HLCS: variants seen among roughly 807,000 people sequenced by gnomAD.
The protein encoded by HLCS is biotin--protein ligase.
A neutral mutation model predicts 75.0 loss-of-function variants in HLCS; 53 were observed. That is an observed-to-expected ratio of 0.71 (90% confidence interval 0.57 to 0.89). The LOEUF (loss-of-function observed/expected upper bound fraction) is 0.89. HLCS is among the 40% of genes least tolerant of loss of function. HLCS has a pLI of 0.00. For missense variants in HLCS, 966 were observed against 1,074.0 expected (o/e 0.90, Z 1.41); for synonymous variants, 431 against 428.6 (o/e 1.01, Z -0.07).
intron 6 of HLCS, among the ~76,000 whole-genome samples, chr21:36,866,820 C>G (rs1009444194): frequency 2.6e-5 from 4 of 151,364 alleles, no homozygotes; most frequent in Non-Finnish European, 4.4e-5. Context: ...GGCTATAAAA[C>G]CAAGCCAAGA....
intron 2 of HLCS, among the ~76,000 whole-genome samples, chr21:36,959,316 C>A (rs1443098758): frequency 6.6e-6 from 1 of 152,224 alleles, no homozygotes; most frequent in Non-Finnish European, 1.5e-5. Context: ...CCTGCCACCT[C>A]AGCCCCCCTC....
intron 4 of HLCS, among the ~76,000 whole-genome samples, chr21:36,932,226 G>A (rs2066679939): frequency 6.6e-6 from 1 of 152,062 alleles, no homozygotes; most frequent in African/African-American, 2.4e-5. Flanking sequence ...TCAGTGTTTT[G>A]GCCTTTATTT....
intron 6 of HLCS, among the ~76,000 whole-genome samples, chr21:36,814,458 T>TA (rs1392110584): frequency 1.3e-5 from 2 of 152,234 alleles, no homozygotes; most frequent in African/African-American, 2.4e-5. Context: ...ATACTTACAC[T>TA]AAAAAGCTAT....
At chr21:36,880,831 A>G (rs2064177308) in intron 6 of HLCS, among the ~76,000 whole-genome samples, 1 of 152,116 alleles carries the variant, frequency 6.6e-6, no homozygotes, top group African/African-American at 2.4e-5. Context: ...TACCCCTCCC[A>G]GAGCACTCCT....
chr21:36,913,839 AC>A (rs2065820911), intron 5 of HLCS, among the ~76,000 whole-genome samples: 1 of 152,192 alleles, frequency 6.6e-6, no homozygotes, highest in South Asian at 2.1e-4. Context: ...CTGTGAGAGG[AC>A]ACTTTCACAA....
At chr21:36,829,211 T>A (rs895183787) in intron 6 of HLCS, among the ~76,000 whole-genome samples, 2 of 152,232 alleles carry the variant, frequency 1.3e-5, no homozygotes, top group African/African-American at 4.8e-5. Flanking sequence ...TACTTCACTG[T>A]TTTACCTATG....
chr21:36,800,854 T>C (rs1282492261), intron 6 of HLCS, among the ~76,000 whole-genome samples: 3 of 151,932 alleles, frequency 2.0e-5, no homozygotes, highest in African/African-American at 2.4e-5. Flanking sequence ...CCACCAAGAA[T>C]AGCAAGTTCA....
intron 6 of HLCS, among the ~76,000 whole-genome samples, chr21:36,825,543 T>A (rs1354273834): frequency 6.6e-6 from 1 of 152,224 alleles, no homozygotes; most frequent in Non-Finnish European, 1.5e-5. Context: ...TTCATTCATC[T>A]TCCAAGTAAG....
intron 6 of HLCS, among the ~76,000 whole-genome samples, chr21:36,884,260 C>A (rs2064354296): frequency 6.6e-6 from 1 of 152,222 alleles, no homozygotes; most frequent in Admixed American, 6.5e-5. Context: ...GCATCTTCTG[C>A]AATTTTTCCC....
At chr21:36,921,488 T>A (rs374877757) in intron 5 of HLCS, among the ~76,000 whole-genome samples, 28 of 152,268 alleles carry the variant, frequency 1.8e-4, no homozygotes, top group African/African-American at 6.5e-4. Flanking sequence ...TAATTTTAAT[T>A]TTCTAAACTT....
chr21:36,756,318 G>A (rs2089582786), intron 10 of HLCS, among the ~76,000 whole-genome samples: 1 of 151,856 alleles, frequency 6.6e-6, no homozygotes, highest in Non-Finnish European at 1.5e-5. Flanking sequence ...GGCACCTGTA[G>A]TCCCAGCTAC....
intron 9 of HLCS, 99 bp from the exon 10 acceptor site, chr21:36,756,854 C>G: frequency 6.3e-7 from 1 of 1,595,112 alleles, no homozygotes; most frequent in Non-Finnish European, 8.5e-7. Context: ...TGTCAACTTC[C>G]TCCTTCCTTG....
chr21:36,861,666 T>C (rs1476598798), intron 6 of HLCS, among the ~76,000 whole-genome samples: 1 of 152,238 alleles, frequency 6.6e-6, no homozygotes, highest in East Asian at 1.9e-4. Context: ...GTTACTGTGT[T>C]CGTTTGCTTA....
At chr21:36,865,600 T>C (rs1235604546) in intron 6 of HLCS, among the ~76,000 whole-genome samples, 2 of 152,204 alleles carry the variant, frequency 1.3e-5, no homozygotes, top group Non-Finnish European at 2.9e-5. Flanking sequence ...CTTCAGTCTT[T>C]GTACCGTTTT....
In HLCS at chr21:36,751,234, T is replaced by G. The variant is rs1466337642; in HGVS notation, c.*3012A>C. The G allele has an allele frequency of 6.5e-6, 1 of 152,690 alleles. No homozygotes were observed. Among genetic ancestry groups the G allele is most frequent in the African/African-American group, 2.4e-5 (1 of 41,468 alleles). The allele number at this position is 152,690 out of a possible 1,614,324, so 9.5% of individuals were successfully genotyped here. A position where few individuals can be genotyped will look rare whatever the true frequency, so the allele number is the denominator to read the frequency against. ...TTTATTTTGGTAGACTTGCTTTTTA[T>G]AGGCATTGGTTTAAAGTGATTCTTT... On this transcript the variant is annotated 3_prime_UTR_variant, in exon 11 of 11. Coordinates refer to ENST00000674895, the MANE Select transcript of HLCS (RefSeq NM_001352514.2).
intron 3 of HLCS, among the ~76,000 whole-genome samples, chr21:36,938,049 C>G (rs2066974911): frequency 6.6e-6 from 1 of 152,168 alleles, no homozygotes; most frequent in African/African-American, 2.4e-5. Flanking sequence ...CATTCATAGA[C>G]ATAAAAAGCC....
intron 5 of HLCS, among the ~76,000 whole-genome samples, chr21:36,901,993 G>A (rs947904014): frequency 5.9e-5 from 9 of 152,104 alleles, no homozygotes; most frequent in Non-Finnish European, 1.2e-4. Flanking sequence ...CGGTGGTTGC[G>A]GGAGTCTCCT....
intron 5 of HLCS, among the ~76,000 whole-genome samples, chr21:36,900,106 A>G (rs976972748): frequency 2.6e-5 from 4 of 151,874 alleles, no homozygotes; most frequent in African/African-American, 9.7e-5. Context: ...CTCAGTCTCG[A>G]AAAAAAACAA....
At chr21:36,837,375 A>C (rs191273149) in intron 6 of HLCS, among the ~76,000 whole-genome samples, 1 of 149,034 alleles carries the variant, frequency 6.7e-6, no homozygotes, top group Admixed American at 6.6e-5. Context: ...GCTAATAGGC[A>C]ACTCGAAATC....
Sources: gnomAD v4.1 joint callset for allele counts (sites outside exome capture counted in the v4.1 genomes callset) on GRCh38, gnomAD v4.1.1 for gene constraint, MANE v1.5 for transcripts, NCBI Gene and HGNC (gene_info 2026-07-23, HGNC 2026-07-21) for gene names.